Variants in RBPJ observed in about 807,000 individuals in gnomAD.
RBPJ encodes the protein recombining binding protein suppressor of hairless.
Under a neutral mutation model 67.8 loss-of-function variants are expected in RBPJ, and 9 were observed. The observed-to-expected ratio is 0.13, with a 90% confidence interval of 0.08 to 0.23. RBPJ has a LOEUF of 0.23. RBPJ is among the 10% of genes least tolerant of loss of function. The pLI, the probability that RBPJ is intolerant of heterozygous loss-of-function variation, is 1.00. For synonymous variants in RBPJ, 198 were observed against 203.3 expected (o/e 0.97, Z 0.22); for missense variants, 305 against 595.6 (o/e 0.51, Z 5.08).
chr4:26,316,691 T>TTGTGTATATATATATACACAC (rs1240828410), upstream of RBPJ, among the ~76,000 whole-genome samples: 1,342 of 142,162 alleles, frequency 9.4e-3, 15 homozygotes, highest in Middle Eastern at 0.025. Flanking sequence ...TATATACACA[T>TTGTGTATATATATATACACAC]ATTGTGTATA....
intron 1 of RBPJ, among the ~76,000 whole-genome samples, chr4:26,332,863 G>C (rs554899574): frequency 2.6e-5 from 4 of 152,240 alleles, no homozygotes; most frequent in Admixed American, 1.3e-4. Context: ...TGCCCAGGCT[G>C]GTTTCAAACT....
chr4:26,357,604 A>G (rs1727533237), intron 1 of RBPJ, among the ~76,000 whole-genome samples: 1 of 152,218 alleles, frequency 6.6e-6, no homozygotes, highest in African/African-American at 2.4e-5. Context: ...CATTTAAACA[A>G]TTTTAAATTG....
At chr4:26,321,128 G>A in intron 1 of RBPJ, 80 bp downstream of exon 1, 3 of 1,188,380 alleles carry the variant, frequency 2.5e-6, no homozygotes, top group South Asian at 2.7e-5. Flanking sequence ...GCGGGTTCGG[G>A]GGCCGCGGCG....
chr4:26,206,733 G>A (rs1321970044), intron 1 of RBPJ, among the ~76,000 whole-genome samples: 12 of 132,150 alleles, frequency 9.1e-5, no homozygotes, highest in South Asian at 2.5e-4. Flanking sequence ...CTATAAAAAC[G>A]AAAGGCTTTC....
chr4:26,115,241 C>T, the RBPJ span, among the ~76,000 whole-genome samples: 1 of 152,188 alleles, frequency 6.6e-6, no homozygotes, highest in Non-Finnish European at 1.5e-5. Context: ...TTTATATTTC[C>T]TGACATAAAC....
intron 1 of RBPJ, among the ~76,000 whole-genome samples, chr4:26,290,862 C>T (rs1166102073): frequency 6.6e-6 from 1 of 150,762 alleles, no homozygotes; most frequent in Non-Finnish European, 1.5e-5. Context: ...AGAAGAGAAT[C>T]GTAAATGAAA....
the RBPJ span, among the ~76,000 whole-genome samples, chr4:26,140,620 G>A: frequency 1.6e-4 from 16 of 99,716 alleles, 1 homozygote; most frequent in South Asian, 2.9e-3. Flanking sequence ...AGCCAAAGCC[G>A]CCCCACCCCC....
chr4:26,230,187 C>G (rs2109203443), intron 1 of RBPJ, among the ~76,000 whole-genome samples: 1 of 143,194 alleles, frequency 7.0e-6, no homozygotes, highest in East Asian at 2.0e-4. Context: ...GAGACCCTAT[C>G]TTAAAAAAAA....
At chr4:26,193,620 T>G (rs1717648376) in intron 1 of RBPJ, among the ~76,000 whole-genome samples, 1 of 152,180 alleles carries the variant, frequency 6.6e-6, no homozygotes, top group Non-Finnish European at 1.5e-5. Flanking sequence ...TAATAAATCA[T>G]GGAACTATTA....
chr4:26,320,061 T>C (rs1007738228), upstream of RBPJ, among the ~76,000 whole-genome samples: 1 of 152,060 alleles, frequency 6.6e-6, no homozygotes, highest in African/African-American at 2.4e-5. Context: ...GCAGTAGTGG[T>C]CTCAACACAC....
Position 26,432,841 on chromosome 4 carries a change from T to C in RBPJ, c.*1834T>C, listed in dbSNP as rs565027775. Reference sequence around the variant, plus strand: ...GGTGTCCTGGGCTGTTTTGAAAAAGTTTCCATTAATAGACTTTTTAGAAAT... The same window carrying C: ...GGTGTCCTGGGCTGTTTTGAAAAAGCTTCCATTAATAGACTTTTTAGAAAT... On this transcript the variant is annotated 3_prime_UTR_variant, in exon 11 of 11. Transcript: ENST00000355476. The C allele has an allele frequency of 1.5e-3, 224 of 152,352 alleles. 1 individual carries two copies. Among genetic ancestry groups the C allele is most frequent in the African/African-American group, 5.2e-3 (217 of 41,582 alleles). The allele number at this position is 152,352 out of a possible 1,614,324, so 9.4% of individuals were successfully genotyped here.
chr4:26,191,316 T>C (rs1717536906), intron 1 of RBPJ, among the ~76,000 whole-genome samples: 1 of 150,048 alleles, frequency 6.7e-6, no homozygotes, highest in Admixed American at 6.7e-5. Context: ...TTTTGATTTT[T>C]TTATATATAT....
chr4:26,153,863 G>A, the RBPJ span, among the ~76,000 whole-genome samples: 1 of 152,062 alleles, frequency 6.6e-6, no homozygotes, highest in Non-Finnish European at 1.5e-5. Flanking sequence ...CAGGAGAATC[G>A]CTTGAACCCA....
At chr4:26,204,911 G>A (rs1360412829) in intron 1 of RBPJ, among the ~76,000 whole-genome samples, 1 of 152,196 alleles carries the variant, frequency 6.6e-6, no homozygotes, top group African/African-American at 2.4e-5. Flanking sequence ...CTCACCCCCT[G>A]CACTCATTTC....
chr4:26,243,930 C>T (rs1719733688), intron 1 of RBPJ, among the ~76,000 whole-genome samples: 1 of 151,446 alleles, frequency 6.6e-6, no homozygotes, highest in Admixed American at 6.6e-5. Context: ...TTCGTCTCTA[C>T]AAAAAAATAC....
upstream of RBPJ, chr4:26,319,890 TAGG>T (rs993549271): frequency 1.2e-5 from 19 of 1,530,188 alleles, no homozygotes; most frequent in African/African-American, 1.5e-4. Flanking sequence ...GGGCTGCAGG[TAGG>T]AGGAGGGGGC....
chr4:26,316,270 T>C (rs902881981), upstream of RBPJ, among the ~76,000 whole-genome samples: 7 of 148,634 alleles, frequency 4.7e-5, no homozygotes, highest in African/African-American at 1.7e-4. Context: ...TATATTCATA[T>C]ATATACACAT....
the RBPJ span, among the ~76,000 whole-genome samples, chr4:26,142,518 G>T: frequency 6.6e-6 from 1 of 152,212 alleles, no homozygotes; most frequent in East Asian, 1.9e-4. Flanking sequence ...GAAGGCTCTT[G>T]GATGGGGAAG....
chr4:26,296,659 T>G (rs899083112), intron 1 of RBPJ, among the ~76,000 whole-genome samples: 2 of 152,220 alleles, frequency 1.3e-5, no homozygotes, highest in African/African-American at 2.4e-5. Context: ...CCAAGTAGAA[T>G]AGTTTTCTTT....
Sources: allele counts gnomAD v4.1 joint callset (sites outside exome capture counted in the v4.1 genomes callset), GRCh38; gene constraint gnomAD v4.1.1; transcripts MANE v1.5; gene names NCBI Gene and HGNC (gene_info 2026-07-23, HGNC 2026-07-21).